Variants in KIF16B observed in about 807,000 individuals in gnomAD.
KIF16B encodes kinesin-like protein KIF16B.
In KIF16B, 98 loss-of-function variants were observed where a neutral mutation model predicts 156.3. That is an observed-to-expected ratio of 0.63 (90% CI 0.53 to 0.74). The LOEUF is 0.74. KIF16B is among the 30% of genes least tolerant of loss of function. KIF16B has a pLI of 0.00. For synonymous variants in KIF16B, 564 were observed against 583.7 expected, an observed-to-expected ratio of 0.97 and a Z score of 0.49; for missense variants, 1,421 against 1,606.5, an observed-to-expected ratio of 0.88 and a Z score of 1.97.
At chr20:16,422,924 A>G (rs901816530) in intron 15 of KIF16B, among the ~76,000 whole-genome samples, 11 of 152,242 alleles carry the variant, frequency 7.2e-5, no homozygotes, top group African/African-American at 2.6e-4. Context: ...GTTAATAAGC[A>G]CACATAGTAA....
chr20:16,331,105 T>C (rs528817929), intron 24 of KIF16B, among the ~76,000 whole-genome samples: 182 of 152,316 alleles, frequency 1.2e-3, no homozygotes, highest in African/African-American at 4.0e-3. Context: ...GAGTTGTGAG[T>C]CTGAATGCAT....
At chr20:16,411,021 G>A (rs2065940486) in intron 15 of KIF16B, among the ~76,000 whole-genome samples, 1 of 151,672 alleles carries the variant, frequency 6.6e-6, no homozygotes, top group Non-Finnish European at 1.5e-5. Context: ...CATCACCGAT[G>A]ACCTTGACAT....
intron 4 of KIF16B, 112 bp from the exon 5 acceptor site, chr20:16,513,035 C>G: frequency 1.4e-6 from 1 of 722,836 alleles, no homozygotes. Flanking sequence ...ATGCCAACCC[C>G]TGGCCTACCA....
intron 1 of KIF16B, among the ~76,000 whole-genome samples, chr20:16,572,515 C>T (rs1337940834): frequency 6.6e-6 from 1 of 152,120 alleles, no homozygotes; most frequent in Non-Finnish European, 1.5e-5. Context: ...ACTTTCTAAA[C>T]GGATTAAAAA....
intron 25 of KIF16B, among the ~76,000 whole-genome samples, chr20:16,302,321 G>T (rs1052121036): frequency 4.6e-5 from 7 of 152,130 alleles, no homozygotes; most frequent in Non-Finnish European, 7.3e-5. Flanking sequence ...GTCTAGATTG[G>T]TTTTTTTGCA....
intron 10 of KIF16B, among the ~76,000 whole-genome samples, chr20:16,504,025 G>T (rs1326774767): frequency 6.6e-6 from 1 of 152,206 alleles, no homozygotes; most frequent in Non-Finnish European, 1.5e-5. Flanking sequence ...GTCATAAAAT[G>T]CATGGGTGAA....
intron 22 of KIF16B, chr20:16,367,319 C>A (rs180720160): frequency 6.2e-7 from 1 of 1,612,766 alleles, no homozygotes; most frequent in African/African-American, 1.3e-5. Context: ...CTGGAACCCA[C>A]TGAAGGTTTG....
chr20:16,413,699 A>G (rs563240397), intron 15 of KIF16B, among the ~76,000 whole-genome samples: 22 of 151,432 alleles, frequency 1.5e-4, no homozygotes, highest in Non-Finnish European at 2.9e-4. Flanking sequence ...CTTTAGAAAC[A>G]CCCCCTGCCC....
intron 25 of KIF16B, among the ~76,000 whole-genome samples, chr20:16,300,227 G>T (rs1270129328): frequency 6.6e-6 from 1 of 152,110 alleles, no homozygotes. Flanking sequence ...TTGAGTTTGG[G>T]AAGAACAAGT....
chr20:16,278,855 C>T (rs543887854), intron 25 of KIF16B, among the ~76,000 whole-genome samples: 87 of 152,328 alleles, frequency 5.7e-4, no homozygotes, highest in African/African-American at 2.0e-3. Flanking sequence ...CACACGGTCT[C>T]TCACCGGGCA....
chr20:16,566,782 T>C (rs2071271266), intron 1 of KIF16B, among the ~76,000 whole-genome samples: 1 of 152,224 alleles, frequency 6.6e-6, no homozygotes, highest in African/African-American at 2.4e-5. Context: ...CATTATTGAA[T>C]ATGTGTCTGT....
chr20:16,573,385 G>A lies in KIF16B; in HGVS notation c.-110C>T. 1.7e-6 allele frequency: 2 copies of A among 1,208,574 alleles called. No homozygotes were observed. Among genetic ancestry groups the A allele is most frequent in the Non-Finnish European group, 2.3e-6 (2 of 852,794 alleles). The allele number at this position is 1,208,574 out of a possible 1,614,324, so 74.9% of individuals were successfully genotyped here. On this transcript the variant is annotated 5_prime_UTR_variant, in exon 1 of 26. Transcript: ENST00000354981. ...TCCCGCCCACTTCCCTCTCGCCCCC[G>A]CCCCTCTGCTCCCGGCCGGACCTGG...
chr20:16,391,295 C>T (rs2065358147), intron 17 of KIF16B, among the ~76,000 whole-genome samples: 1 of 152,082 alleles, frequency 6.6e-6, no homozygotes, highest in Non-Finnish European at 1.5e-5. Flanking sequence ...GCAAGCTTCT[C>T]TTCTGCCTCC....
intron 22 of KIF16B, among the ~76,000 whole-genome samples, chr20:16,370,165 T>C (rs574718480): frequency 6.6e-6 from 1 of 152,310 alleles, no homozygotes; most frequent in South Asian, 2.1e-4. Flanking sequence ...TAAACCTTGG[T>C]TTGACAATCC....
intron 10 of KIF16B, among the ~76,000 whole-genome samples, chr20:16,501,207 C>T (rs1023502735): frequency 6.6e-6 from 1 of 151,968 alleles, no homozygotes; most frequent in East Asian, 1.9e-4. Flanking sequence ...AGAATTGAAC[C>T]AGCACTTTTA....
intron 24 of KIF16B, among the ~76,000 whole-genome samples, chr20:16,332,472 A>C (rs2063964216): frequency 6.6e-6 from 1 of 151,944 alleles, no homozygotes; most frequent in Admixed American, 6.6e-5. Flanking sequence ...TCAAATCACC[A>C]CTCTCATAGT....
At chr20:16,301,744 G>A (rs569497130) in intron 25 of KIF16B, among the ~76,000 whole-genome samples, 1 of 152,046 alleles carries the variant, frequency 6.6e-6, no homozygotes. Flanking sequence ...CAACCTCCTG[G>A]GTTCAAGCAA....
chr20:16,534,418 G>A (rs193054530), intron 1 of KIF16B, among the ~76,000 whole-genome samples: 49 of 152,282 alleles, frequency 3.2e-4, no homozygotes, highest in African/African-American at 1.2e-3. Context: ...TTCTGGATAT[G>A]AGTCCCCTAT....
intron 12 of KIF16B, among the ~76,000 whole-genome samples, chr20:16,434,235 C>A (rs1405159014): frequency 6.6e-6 from 1 of 152,202 alleles, no homozygotes; most frequent in Non-Finnish European, 1.5e-5. Flanking sequence ...TTTGCTGGGA[C>A]TCTCACAGAC....
Sources: allele counts gnomAD v4.1 joint callset (sites outside exome capture counted in the v4.1 genomes callset), GRCh38; gene constraint gnomAD v4.1.1; transcripts MANE v1.5; gene names NCBI Gene and HGNC (gene_info 2026-07-23, HGNC 2026-07-21).